Variants in NFATC1 observed in about 807,000 individuals in gnomAD.
NFATC1 encodes nuclear factor of activated T cells 1.
In NFATC1, 22 loss-of-function variants were observed where a neutral mutation model predicts 76.0. The observed-to-expected ratio is 0.29, with a 90% CI of 0.21 to 0.41. The LOEUF (loss-of-function observed/expected upper bound fraction) is 0.41. Ranked by LOEUF, NFATC1 falls within the 10% of genes least tolerant of loss-of-function variation. The pLI, the probability that NFATC1 is intolerant of heterozygous loss-of-function variation, is 1.00. For synonymous variants in NFATC1, 704 were observed against 613.1 expected (o/e 1.15, Z -2.19); for missense variants, 1,357 against 1,337.7 (o/e 1.01, Z -0.23).
chr18:79,446,975 G>C (rs115608817), intron 3 of NFATC1, among the ~76,000 whole-genome samples: 1 of 152,190 alleles, frequency 6.6e-6, no homozygotes, highest in African/African-American at 2.4e-5. Context: ...CTCACGCGGC[G>C]TCCCAGTCCC....
rs570504626 is a variant in NFATC1, at chr18:79,425,063, C to T, written c.1227-8516C>T. On this transcript the variant is annotated intron_variant, in intron 2 of 9. Transcript: ENST00000427363. ...TCTCTCTCCGTCTCTGTTTCTCTCT[C>T]TGTTTCTCTCTCTGTCTCTCCATCT... is the stretch of plus-strand genomic sequence containing the variant. Among the ~76,000 whole-genome samples the T allele has an allele frequency of 2.5e-3, 370 of 150,498 alleles. 1 individual carries two copies. The highest frequency in any genetic ancestry group is 3.7e-3 in the Non-Finnish European group (249 of 67,700).
At chr18:79,481,010 A>C (rs1600870814) in intron 8 of NFATC1, among the ~76,000 whole-genome samples, 2 of 152,262 alleles carry the variant, frequency 1.3e-5, no homozygotes, top group Admixed American at 6.5e-5. Flanking sequence ...TCGGGACACC[A>C]GCATCTTCTG....
chr18:79,501,212 A>G (rs1293734390), intron 9 of NFATC1, among the ~76,000 whole-genome samples: 1 of 152,222 alleles, frequency 6.6e-6, no homozygotes, highest in African/African-American at 2.4e-5. Context: ...TATTAATAGA[A>G]AAAGGACAGA....
intron 8 of NFATC1, chr18:79,469,923 T>G: frequency 4.1e-6 from 4 of 985,500 alleles, no homozygotes; most frequent in Non-Finnish European, 4.8e-6. Flanking sequence ...GCCCCCAGGC[T>G]GCCGCAGGGC....
In NFATC1 at chr18:79,411,088, CG is replaced by C; in HGVS notation, c.815del (p.Gly272AlafsTer24). The stretch of plus-strand genomic sequence containing the variant: ...GCAACAAGAGGAAGTACAGCCTCAA[CG>C]GCCGGCAGCCGCCCTACTCACCCCA... ...PCNKRKYSLNGRQPPYSPHHS... is the reference protein window; with the variant it reads ...PCNKRKYSLNXRQPPYSPHHS... On this transcript the variant is annotated frameshift_variant, in exon 2 of 10. Coordinates refer to ENST00000427363, the MANE Select transcript of NFATC1 (RefSeq NM_001278669.2). LOFTEE classifies it high-confidence loss of function. The C allele has an allele frequency of 6.2e-7, 1 of 1,612,114 alleles. No individual in the cohort carries two copies. The highest frequency in any genetic ancestry group is 8.5e-7 in the Non-Finnish European group (1 of 1,179,558).
At chr18:79,400,144 C>CG in intron 1 of NFATC1, 2 of 891,032 alleles carry the variant, frequency 2.2e-6, no homozygotes, top group Non-Finnish European at 2.7e-6. Context: ...CGCGAGGGGG[C>CG]GGGGGCGGGG....
In NFATC1 at chr18:79,490,138, A is replaced by ACAGG. The variant is rs1017950542; in HGVS notation, c.2782+3211_2782+3214dup. Among the ~76,000 whole-genome samples the ACAGG allele has an allele frequency of 6.6e-5, 10 of 152,072 alleles. 1 individual carries two copies. The highest frequency in any genetic ancestry group is 2.2e-4 in the African/African-American group (9 of 41,512). On this transcript the variant is annotated intron_variant, in intron 9 of 9. Transcript: ENST00000427363. ...GGCAGACAGCCCCTCTCGGTCCTTC[A>ACAGG]CAGGCAGGCAGGCGGGGCGCATGGC...
intron 1 of NFATC1, among the ~76,000 whole-genome samples, chr18:79,409,901 A>G (rs1054630783): frequency 2.0e-5 from 3 of 152,376 alleles, no homozygotes; most frequent in East Asian, 3.9e-4. Flanking sequence ...AGATTGTGAT[A>G]CGTATTTAGG....
chr18:79,403,194 C>T (rs1464454203), intron 1 of NFATC1, among the ~76,000 whole-genome samples: 2 of 152,256 alleles, frequency 1.3e-5, no homozygotes, highest in African/African-American at 4.8e-5. Context: ...TCTCGCTGGA[C>T]TTAGGTCCAG....
intron 2 of NFATC1, among the ~76,000 whole-genome samples, chr18:79,412,351 G>A (rs1379535183): frequency 3.3e-5 from 5 of 152,164 alleles, no homozygotes; most frequent in African/African-American, 9.7e-5. Flanking sequence ...GGCCCGTGAC[G>A]TCAGGGCTGC....
intron 2 of NFATC1, among the ~76,000 whole-genome samples, chr18:79,427,428 G>T (rs2086391741): frequency 1.5e-5 from 2 of 132,586 alleles, no homozygotes; most frequent in African/African-American, 3.0e-5. Context: ...TGTGCGGTGG[G>T]TGGGGGGGAG....
chr18:79,446,933 T>C (rs2087230490), intron 3 of NFATC1, among the ~76,000 whole-genome samples: 1 of 152,212 alleles, frequency 6.6e-6, no homozygotes, highest in South Asian at 2.1e-4. Context: ...GCCCCTTCGA[T>C]GTCTCAGCTG....
chr18:79,424,687 CTCTG>C (rs946443106), intron 2 of NFATC1, among the ~76,000 whole-genome samples: 2 of 150,182 alleles, frequency 1.3e-5, no homozygotes, highest in Non-Finnish European at 2.9e-5. Flanking sequence ...CTGTCCCTGT[CTCTG>C]TCTCTCTGTG....
At chr18:79,488,889 C>T (rs931295681) in intron 9 of NFATC1, among the ~76,000 whole-genome samples, 5 of 147,300 alleles carry the variant, frequency 3.4e-5, no homozygotes, top group Admixed American at 6.7e-5. Flanking sequence ...AAGCAGGTCC[C>T]GGTCATGTTT....
chr18:79,486,638 C>T lies in NFATC1; in HGVS notation c.2483C>T (p.Ala828Val), dbSNP rs769252160. 1.3e-5 allele frequency: 21 copies of T among 1,601,972 alleles called. No homozygotes were observed. Among genetic ancestry groups the T allele is most frequent in the East Asian group, 4.5e-5 (2 of 44,670 alleles). Residue 828 changes from alanine (A) to valine (V), a missense_variant, in exon 9 of 10, where the codon GCG (alanine) becomes GTG (valine). Transcript: ENST00000427363. Reference sequence around the variant, plus strand: ...GCCCTGCTGCCACAGCAGGTGAGTGCGCCTCCAAGCAGTAGCTGCCCCCCT... The same window carrying T: ...GCCCTGCTGCCACAGCAGGTGAGTGTGCCTCCAAGCAGTAGCTGCCCCCCT... ...PPALLPQQVSAPPSSSCPPGL... is the reference protein window; with the variant it reads ...PPALLPQQVSVPPSSSCPPGL...
chr18:79,474,650 T>G (rs911998605), intron 8 of NFATC1, among the ~76,000 whole-genome samples: 10 of 144,992 alleles, frequency 6.9e-5, no homozygotes, highest in Non-Finnish European at 1.5e-4. Flanking sequence ...ACACTCACTG[T>G]CAACGTTGTA....
chr18:79,450,812 T>C (rs1600750471), intron 4 of NFATC1, 142 bp from the exon 5 acceptor site: 2 of 1,085,446 alleles, frequency 1.8e-6, no homozygotes, highest in Non-Finnish European at 2.7e-6. Context: ...AGGTCTTGTT[T>C]TCCTTGGGGA....
chr18:79,412,181 AT>A (rs1279028478), intron 2 of NFATC1, among the ~76,000 whole-genome samples: 2 of 152,240 alleles, frequency 1.3e-5, no homozygotes, highest in Non-Finnish European at 2.9e-5. Flanking sequence ...GGCTGCTGGA[AT>A]TCCGCTGGGT....
At chr18:79,504,334 G>T (rs924989124) in intron 9 of NFATC1, among the ~76,000 whole-genome samples, 9 of 152,144 alleles carry the variant, frequency 5.9e-5, no homozygotes, top group African/African-American at 2.2e-4. Context: ...GGAGGCTGTC[G>T]TAGGGTTCTT....
Sources: gnomAD v4.1 joint callset for allele counts (sites outside exome capture counted in the v4.1 genomes callset) on GRCh38, gnomAD v4.1.1 for gene constraint, MANE v1.5 for transcripts, NCBI Gene and HGNC (gene_info 2026-07-23, HGNC 2026-07-21) for gene names.